NEK5: variants seen among roughly 807,000 people sequenced by gnomAD.
The protein encoded by NEK5 is serine/threonine-protein kinase Nek5.
A neutral mutation model predicts 109.2 loss-of-function variants in NEK5; 88 were observed. The observed-to-expected ratio is 0.81, with a 90% CI of 0.68 to 0.96. The LOEUF is 0.96. NEK5 is among the 40% of genes least tolerant of loss of function. The pLI is 0.00. For missense variants in NEK5, 834 were observed against 920.7 expected (o/e 0.91, Z 1.22); for synonymous variants, 283 against 299.9 (o/e 0.94, Z 0.58).
intron 22 of NEK5, among the ~76,000 whole-genome samples, chr13:52,050,821 G>A (rs1954499072): frequency 6.7e-6 from 1 of 150,134 alleles, no homozygotes; most frequent in Non-Finnish European, 1.5e-5. Flanking sequence ...CCAGGTTCAA[G>A]CAATTCTCCT....
chr13:52,055,872 C>T (rs139336644), intron 22 of NEK5, among the ~76,000 whole-genome samples: 9 of 151,852 alleles, frequency 5.9e-5, no homozygotes, highest in Admixed American at 1.3e-4. Flanking sequence ...ATCGAGACTA[C>T]GAAGAAACTG....
At position 52,104,571 on chromosome 13, in the gene NEK5, T is replaced by C; in HGVS notation, c.555-19A>G. On this transcript the variant is annotated intron_variant, in intron 8 of 23. Transcript: ENST00000684899. ...AATATCCCTAAAGAAGATAAGAGTT[T>C]ACATGCCAAGAAAATATCCATAATT... The C allele has an allele frequency of 6.4e-7, 1 of 1,557,236 alleles. No homozygotes were observed. The highest frequency in any genetic ancestry group is 1.4e-5 in the African/African-American group (1 of 73,778).
At chr13:52,065,393 T>G (rs1265034499) in intron 21 of NEK5, 91 bp downstream of exon 21, 2 of 1,565,516 alleles carry the variant, frequency 1.3e-6, no homozygotes, top group Non-Finnish European at 8.8e-7. Context: ...GGGTGTATAG[T>G]GAGAAGTAGA....
intron 3 of NEK5, among the ~76,000 whole-genome samples, chr13:52,122,730 G>C (rs1040549827): frequency 6.6e-6 from 1 of 151,730 alleles, no homozygotes; most frequent in Admixed American, 6.6e-5. Context: ...TCACGCCACT[G>C]CACTCCAGCC....
intron 22 of NEK5, among the ~76,000 whole-genome samples, chr13:52,058,023 C>T (rs1049767272): frequency 3.3e-5 from 5 of 152,212 alleles, no homozygotes; most frequent in African/African-American, 1.2e-4. Flanking sequence ...TCTGTGTTTG[C>T]GGATGACATG....
At chr13:52,081,252 C>T (rs1233548151) in intron 17 of NEK5, among the ~76,000 whole-genome samples, 1 of 152,126 alleles carries the variant, frequency 6.6e-6, no homozygotes, top group Non-Finnish European at 1.5e-5. Context: ...TAATTAAAAC[C>T]TAAATCCAAA....
At chr13:52,046,767 A>G (rs959311375) in intron 23 of NEK5, among the ~76,000 whole-genome samples, 2 of 152,126 alleles carry the variant, frequency 1.3e-5, no homozygotes, top group Non-Finnish European at 2.9e-5. Context: ...GTTTTATAAA[A>G]TAATTGATTA....
chr13:52,056,701 G>A (rs1954559120), intron 22 of NEK5, among the ~76,000 whole-genome samples: 2 of 151,616 alleles, frequency 1.3e-5, no homozygotes, highest in African/African-American at 2.4e-5. Flanking sequence ...ATGACTAGTG[G>A]GTACATAACG....
intron 23 of NEK5, among the ~76,000 whole-genome samples, chr13:52,041,073 A>G (rs917496279): frequency 3.9e-5 from 6 of 152,298 alleles, no homozygotes; most frequent in Admixed American, 3.9e-4. Flanking sequence ...ATACAGGAAG[A>G]GGCAGGAAAG....
chr13:52,122,454 A>C (rs1191910391), intron 3 of NEK5, among the ~76,000 whole-genome samples: 1 of 152,198 alleles, frequency 6.6e-6, no homozygotes, highest in Non-Finnish European at 1.5e-5. Context: ...ATATATTGCT[A>C]ATATAAAAAA....
Position 52,054,946 on chromosome 13 carries a change from G to A in NEK5, c.2111-4725C>T, listed in dbSNP as rs551088332. 6.8e-3 allele frequency among the ~76,000 whole-genome samples: 1,035 copies of A among 152,282 alleles called. 13 individuals carry two copies. The highest frequency in any genetic ancestry group is 0.024 in the African/African-American group (987 of 41,548). On this transcript the variant is annotated intron_variant, in intron 22 of 23. Transcript: ENST00000684899. ...CACCAGCAACAGAACAAAGCTGGAC[G>A]GAGAATGACTTTGACAAGCTGAGAG...
rs568712714 is a variant in NEK5, at chr13:52,034,302, G to C, written c.*2646C>G. 1 of 152,212 alleles carries C rather than the reference G, an allele frequency of 6.6e-6. No individual in the cohort carries two copies. Among genetic ancestry groups the C allele is most frequent in the Non-Finnish European group, 1.5e-5 (1 of 68,046 alleles). The allele number at this position is 152,212 out of a possible 1,614,324, so 9.4% of individuals were successfully genotyped here. On this transcript the variant is annotated 3_prime_UTR_variant, in exon 24 of 24. Transcript: ENST00000684899. ...AGGAACACGATTTAGCTAATAGTGTGTGTAAAATGGGTAAGGTCTAGAATT... is the reference window on the plus strand; with the variant it reads ...AGGAACACGATTTAGCTAATAGTGTCTGTAAAATGGGTAAGGTCTAGAATT...
At chr13:52,087,913 T>TG (rs1955187492) in intron 14 of NEK5, among the ~76,000 whole-genome samples, 1 of 142,294 alleles carries the variant, frequency 7.0e-6, no homozygotes, top group Non-Finnish European at 1.5e-5. Flanking sequence ...GCATGAGCCA[T>TG]CAAGCCCAGC....
At chr13:52,105,628 G>A (rs1386106070) in intron 8 of NEK5, among the ~76,000 whole-genome samples, 1 of 152,010 alleles carries the variant, frequency 6.6e-6, no homozygotes, top group Admixed American at 6.6e-5. Context: ...CTTCTCTTCT[G>A]TTCCCAGAGG....
chr13:52,080,653 C>A (rs1197088744), intron 17 of NEK5, among the ~76,000 whole-genome samples: 1 of 152,020 alleles, frequency 6.6e-6, no homozygotes, highest in Non-Finnish European at 1.5e-5. Context: ...GGATTAAGGG[C>A]GGTGCAAGAT....
At chr13:52,080,162 G>A (rs1954964959) in intron 17 of NEK5, among the ~76,000 whole-genome samples, 1 of 151,618 alleles carries the variant, frequency 6.6e-6, no homozygotes, top group Admixed American at 6.6e-5. Flanking sequence ...CCGTCCAGGA[G>A]GGAGGTGGGG....
At chr13:52,127,813 T>C (rs980331659) in intron 1 of NEK5, among the ~76,000 whole-genome samples, 151 bp from the exon 2 acceptor site, 2 of 152,238 alleles carry the variant, frequency 1.3e-5, no homozygotes, top group Non-Finnish European at 2.9e-5. Flanking sequence ...TTTGCAAGTT[T>C]GTTCTGAGAA....
At chr13:52,066,255 T>G (rs1258184810) in intron 20 of NEK5, among the ~76,000 whole-genome samples, 1 of 152,192 alleles carries the variant, frequency 6.6e-6, no homozygotes, top group Non-Finnish European at 1.5e-5. Context: ...AACTAATCAT[T>G]TCCTGCCAGA....
intron 23 of NEK5, among the ~76,000 whole-genome samples, chr13:52,038,705 G>A (rs1048921254): frequency 6.6e-5 from 10 of 151,816 alleles, no homozygotes; most frequent in Non-Finnish European, 1.3e-4. Flanking sequence ...CCAAAGTGCT[G>A]GGAGAGCTAC....
Sources: gnomAD v4.1 joint callset for allele counts (sites outside exome capture counted in the v4.1 genomes callset) on GRCh38, gnomAD v4.1.1 for gene constraint, MANE v1.5 for transcripts, NCBI Gene and HGNC (gene_info 2026-07-23, HGNC 2026-07-21) for gene names.